CFAP54: variants seen among roughly 807,000 people sequenced by gnomAD.
CFAP54 encodes cilia and flagella associated protein 54, also known as cilia- and flagella-associated protein 54.
A neutral mutation model predicts 370.4 loss-of-function variants in CFAP54; 290 were observed. That is an observed-to-expected ratio of 0.78 (90% confidence interval 0.71 to 0.86). The LOEUF (loss-of-function observed/expected upper bound fraction) is 0.86. Ranked by LOEUF, CFAP54 falls within the 40% of genes least tolerant of loss-of-function variation. The pLI is 0.00. For synonymous variants in CFAP54, 1,206 were observed against 1,236.5 expected (o/e 0.98, Z 0.52); for missense variants, 3,399 against 3,528.7 (o/e 0.96, Z 0.93).
In CFAP54 at chr12:96,684,723, CAGAAA is replaced by C; in HGVS notation, c.5800_5804del (p.Lys1934GlyfsTer4). 6.2e-7 allele frequency: 1 copy of C among 1,610,292 alleles called. No individual in the cohort carries two copies. The highest frequency in any genetic ancestry group is 8.5e-7 in the Non-Finnish European group (1 of 1,178,762). On this transcript the variant is annotated frameshift_variant, in exon 41 of 68. Coordinates refer to ENST00000524981, the MANE Select transcript of CFAP54 (RefSeq NM_001306084.2). LOFTEE classifies it high-confidence loss of function. ...TCACTTGGAAGTCTTCTCATCTTCG[CAGAAA>C]AGAAAAGGTAGATTTTTAGAAGTCT...
intron 40 of CFAP54, among the ~76,000 whole-genome samples, chr12:96,682,874 C>G (rs954504500): frequency 6.6e-6 from 1 of 152,208 alleles, no homozygotes; most frequent in Admixed American, 6.5e-5. Context: ...CTAGGCCACC[C>G]TTCTCTTTAT....
At position 96,837,204 on chromosome 12, in the gene CFAP54, T is replaced by TAAC. The variant is rs1425622698; in HGVS notation, c.9171+8118_9171+8120dup. 3.3e-5 allele frequency among the ~76,000 whole-genome samples: 5 copies of TAAC among 152,200 alleles called. No individual in the cohort carries two copies. The East Asian group carries it at 9.6e-4, about 29-fold the overall frequency. ...TGAAATAATTCTTATTCTAGTAAGT[T>TAAC]AACATACTTTATTTAGGCATTTGCA... is the stretch of plus-strand genomic sequence containing the variant. On this transcript the variant is annotated intron_variant, in intron 66 of 67. Coordinates refer to ENST00000524981, the MANE Select transcript of CFAP54 (RefSeq NM_001306084.2).
chr12:96,838,842 A>G (rs1221246109), intron 66 of CFAP54, among the ~76,000 whole-genome samples: 1 of 152,232 alleles, frequency 6.6e-6, no homozygotes, highest in Non-Finnish European at 1.5e-5. Flanking sequence ...TGTGTTTAAA[A>G]TGGATGATTG....
intron 22 of CFAP54, among the ~76,000 whole-genome samples, chr12:96,582,769 T>G (rs17376947): frequency 0.089 from 13,536 of 152,226 alleles, 785 homozygotes; most frequent in Middle Eastern, 0.14. Context: ...AGTAATGACC[T>G]GTGTTTCTTT....
chr12:96,624,507 T>A (rs1411801279), intron 28 of CFAP54, among the ~76,000 whole-genome samples: 1 of 152,182 alleles, frequency 6.6e-6, no homozygotes, highest in East Asian at 1.9e-4. Flanking sequence ...AATAAACCAA[T>A]GTGTTAATGC....
At chr12:96,764,811 C>T (rs1425904238) in intron 59 of CFAP54, among the ~76,000 whole-genome samples, 1 of 152,124 alleles carries the variant, frequency 6.6e-6, no homozygotes, top group Non-Finnish European at 1.5e-5. Context: ...GACATTTTGG[C>T]AACTATCTGT....
intron 38 of CFAP54, among the ~76,000 whole-genome samples, chr12:96,661,533 A>T (rs76723340): frequency 6.6e-6 from 1 of 152,176 alleles, no homozygotes; most frequent in African/African-American, 2.4e-5. Flanking sequence ...GTTGTTACTC[A>T]TAGGCAGTCA....
At chr12:96,740,585 T>A (rs1816006) in intron 51 of CFAP54, among the ~76,000 whole-genome samples, 131,074 of 152,280 alleles carry the variant, frequency 0.86, 56,818 homozygotes, top group African/African-American at 0.96. Context: ...TAGGACTGAA[T>A]TATAAAGATT....
intron 65 of CFAP54, among the ~76,000 whole-genome samples, chr12:96,827,688 A>G (rs1235885013): frequency 1.3e-5 from 1 of 75,656 alleles, no homozygotes; most frequent in Non-Finnish European, 3.0e-5. Context: ...TATATGATAC[A>G]TAGTAATATA....
At chr12:96,649,623 G>T (rs979347740) in intron 34 of CFAP54, among the ~76,000 whole-genome samples, 1 of 152,158 alleles carries the variant, frequency 6.6e-6, no homozygotes, top group Admixed American at 6.5e-5. Context: ...TCCTACTTCT[G>T]CATTGTTCCT....
chr12:96,749,886 T>C (rs1486733204), intron 55 of CFAP54, among the ~76,000 whole-genome samples: 2 of 152,180 alleles, frequency 1.3e-5, no homozygotes, highest in East Asian at 3.8e-4. Context: ...TGTCTAGCTG[T>C]TGGATTAATT....
chr12:96,522,334 T>A, intron 8 of CFAP54, 145 bp downstream of exon 8: 1 of 568,488 alleles, frequency 1.8e-6, no homozygotes, highest in Admixed American at 3.4e-5. Context: ...GAAGAATGTT[T>A]TTCTAGTTTG....
Position 96,548,093 on chromosome 12 carries a change from T to C in CFAP54, c.2154+115T>C, listed in dbSNP as rs184231376. 3.7e-4 allele frequency: 185 copies of C among 505,878 alleles called. 1 individual carries two copies. Among genetic ancestry groups the C allele is most frequent in the African/African-American group, 3.5e-3 (176 of 50,330 alleles). 31.3% of individuals were successfully genotyped at this position (505,878 alleles called of 1,614,324 possible). Reference sequence around the variant, plus strand: ...AGAAATAATTTTGAATATTTAAAATTTGAGGATTATATGGCTTTATATATT... The same window carrying C: ...AGAAATAATTTTGAATATTTAAAATCTGAGGATTATATGGCTTTATATATT... On this transcript the variant is annotated intron_variant, in intron 15 of 67. Transcript: ENST00000524981.
chr12:96,657,376 T>C (rs927639594), intron 36 of CFAP54, among the ~76,000 whole-genome samples: 8 of 152,206 alleles, frequency 5.3e-5, no homozygotes, highest in African/African-American at 1.9e-4. Context: ...TTAACGAATG[T>C]AACCAACGTA....
chr12:96,586,101 C>T (rs1276838651), intron 22 of CFAP54, among the ~76,000 whole-genome samples: 2 of 152,102 alleles, frequency 1.3e-5, no homozygotes, highest in Non-Finnish European at 2.9e-5. Context: ...TTACTCTGTG[C>T]CAGGCATTGC....
At chr12:96,746,122 G>A (rs187472072) in intron 55 of CFAP54, among the ~76,000 whole-genome samples, 1 of 151,954 alleles carries the variant, frequency 6.6e-6, no homozygotes, top group Non-Finnish European at 1.5e-5. Context: ...TGTCCTTCCT[G>A]GGGACCTTGC....
intron 63 of CFAP54, among the ~76,000 whole-genome samples, chr12:96,811,067 C>T (rs907984609): frequency 1.3e-5 from 2 of 152,226 alleles, no homozygotes. Flanking sequence ...CCTAATTACT[C>T]GGTTTTGATT....
chr12:96,769,563 C>T (rs1342453073), intron 60 of CFAP54, among the ~76,000 whole-genome samples: 1 of 152,214 alleles, frequency 6.6e-6, no homozygotes, highest in East Asian at 1.9e-4. Flanking sequence ...GTGACCACTG[C>T]CACACACAGC....
chr12:96,764,265 GT>G lies in CFAP54; in HGVS notation c.8139+19del, dbSNP rs747916272. ...TGCTGCACAGGTTGGTGTGATTTTT[GT>G]TTAATCTTTCTTCTTACTGTCATAT... On this transcript the variant is annotated intron_variant, in intron 59 of 67. Coordinates refer to ENST00000524981, the MANE Select transcript of CFAP54 (RefSeq NM_001306084.2). The G allele has an allele frequency of 8.9e-6, 14 of 1,578,420 alleles. No individual in the cohort carries two copies. In the East Asian group the frequency reaches 2.9e-4, roughly 33 times the overall value.
Sources: gnomAD v4.1 joint callset for allele counts (sites outside exome capture counted in the v4.1 genomes callset) on GRCh38, gnomAD v4.1.1 for gene constraint, MANE v1.5 for transcripts, NCBI Gene and HGNC (gene_info 2026-07-23, HGNC 2026-07-21) for gene names.